ASTN2: variants seen among roughly 807,000 people sequenced by gnomAD.
ASTN2 encodes the protein astrotactin-2.
In ASTN2, 54 loss-of-function variants were observed where a neutral mutation model predicts 139.8. That is an observed-to-expected ratio of 0.39 (90% CI 0.31 to 0.48). The LOEUF is 0.48. Among genes scored for constraint, ASTN2 ranks in the 20% least tolerant of loss-of-function variants. ASTN2 has a pLI of 0.95. For missense variants in ASTN2, 1,565 were observed against 1,725.1 expected, an observed-to-expected ratio of 0.91 and a Z score of 1.64; for synonymous variants, 756 against 719.5, an observed-to-expected ratio of 1.05 and a Z score of -0.81.
intron 13 of ASTN2, among the ~76,000 whole-genome samples, chr9:116,748,826 A>G (rs1829322352): frequency 6.6e-6 from 1 of 152,178 alleles, no homozygotes; most frequent in African/African-American, 2.4e-5. Flanking sequence ...ATCTTGAGCA[A>G]GTCATTTCCC....
chr9:116,464,020 T>C (rs781280044), intron 20 of ASTN2, among the ~76,000 whole-genome samples: 21 of 151,552 alleles, frequency 1.4e-4, no homozygotes, highest in South Asian at 8.4e-4. Flanking sequence ...AGTGCTGAGA[T>C]TAAAGGTGCC....
At chr9:117,027,981 T>C (rs1246189330) in intron 6 of ASTN2, among the ~76,000 whole-genome samples, 2 of 152,116 alleles carry the variant, frequency 1.3e-5, no homozygotes, top group Non-Finnish European at 2.9e-5. Context: ...CCAAGATCCA[T>C]AATTAGTAAG....
intron 19 of ASTN2, among the ~76,000 whole-genome samples, chr9:116,598,334 C>G (rs1854692463): frequency 6.6e-6 from 1 of 152,136 alleles, no homozygotes; most frequent in African/African-American, 2.4e-5. Context: ...TGGGCTGAAA[C>G]CCAGAAGACC....
At chr9:116,794,829 A>G (rs1830649586) in intron 13 of ASTN2, among the ~76,000 whole-genome samples, 1 of 152,160 alleles carries the variant, frequency 6.6e-6, no homozygotes, top group African/African-American at 2.4e-5. Flanking sequence ...AGGGGAAGAA[A>G]ATTAGGACAG....
intron 1 of ASTN2, among the ~76,000 whole-genome samples, chr9:117,320,618 G>T (rs1205750992): frequency 6.6e-6 from 1 of 152,134 alleles, no homozygotes; most frequent in Non-Finnish European, 1.5e-5. Context: ...TCCATAACAT[G>T]ACTCTGCCCC....
intron 17 of ASTN2, among the ~76,000 whole-genome samples, chr9:116,647,230 T>A (rs754017533): frequency 1.9e-4 from 29 of 152,210 alleles, no homozygotes; most frequent in Non-Finnish European, 3.5e-4. Flanking sequence ...CATTAATATC[T>A]GTCTTCTCCA....
At chr9:116,526,339 C>CG (rs1232069336) in intron 19 of ASTN2, among the ~76,000 whole-genome samples, 2 of 152,128 alleles carry the variant, frequency 1.3e-5, no homozygotes, top group East Asian at 3.9e-4. Flanking sequence ...AGACTGGGCA[C>CG]GGTGGCTCAT....
At chr9:116,535,857 TA>T (rs1851600185) in intron 19 of ASTN2, among the ~76,000 whole-genome samples, 1 of 152,188 alleles carries the variant, frequency 6.6e-6, no homozygotes, top group African/African-American at 2.4e-5. Context: ...TCTTGAGGAT[TA>T]TCTTTGTGGC....
chr9:117,205,922 A>C (rs1457837200), intron 3 of ASTN2, among the ~76,000 whole-genome samples: 2 of 152,230 alleles, frequency 1.3e-5, no homozygotes, highest in East Asian at 3.8e-4. Context: ...GCAAATGTAA[A>C]CACATCCTGT....
chr9:116,617,087 T>C (rs574318435), intron 19 of ASTN2, among the ~76,000 whole-genome samples: 2 of 152,316 alleles, frequency 1.3e-5, no homozygotes, highest in East Asian at 1.9e-4. Flanking sequence ...GTCAATAATG[T>C]GGAAAAAGCC....
chr9:116,484,720 T>C (rs901404180), intron 20 of ASTN2, among the ~76,000 whole-genome samples: 1 of 152,050 alleles, frequency 6.6e-6, no homozygotes, highest in East Asian at 1.9e-4. Flanking sequence ...GAGTTAGAGA[T>C]GACAAGCTCC....
intron 1 of ASTN2, among the ~76,000 whole-genome samples, chr9:117,390,756 C>T (rs564830057): frequency 1.3e-5 from 2 of 152,310 alleles, no homozygotes; most frequent in Non-Finnish European, 2.9e-5. Context: ...CACCTCACAA[C>T]AGACATGTTG....
intron 16 of ASTN2, among the ~76,000 whole-genome samples, chr9:116,695,279 T>A (rs573999550): frequency 1.3e-5 from 2 of 152,290 alleles, no homozygotes; most frequent in South Asian, 4.1e-4. Context: ...CATAGTGTCA[T>A]CATGAAGATT....
intron 12 of ASTN2, among the ~76,000 whole-genome samples, chr9:116,810,994 T>C (rs1375826061): frequency 6.6e-6 from 1 of 152,184 alleles, no homozygotes; most frequent in Non-Finnish European, 1.5e-5. Flanking sequence ...TTCTATGCAG[T>C]GTTCTCATTA....
At chr9:116,964,259 G>GCGCGCA (rs1564362652) in intron 10 of ASTN2, among the ~76,000 whole-genome samples, 2 of 92,660 alleles carry the variant, frequency 2.2e-5, no homozygotes, top group African/African-American at 7.6e-5. Flanking sequence ...GTGTGTGTGC[G>GCGCGCA]CGCGCGCGCG....
intron 17 of ASTN2, among the ~76,000 whole-genome samples, chr9:116,632,256 A>G (rs199689315): frequency 0.016 from 1,676 of 102,516 alleles, 12 homozygotes; most frequent in African/African-American, 0.025. Context: ...AAAGAAGGAA[A>G]GAAAGAAAGA....
intron 17 of ASTN2, among the ~76,000 whole-genome samples, chr9:116,637,239 G>A (rs139076619): frequency 2.3e-4 from 35 of 152,284 alleles, no homozygotes; most frequent in African/African-American, 7.9e-4. Context: ...TGATTTCCAG[G>A]AGAGAAGAAA....
chr9:116,504,274 T>C (rs1234900758), intron 19 of ASTN2: 1 of 152,160 alleles, frequency 6.6e-6, no homozygotes, highest in Admixed American at 6.6e-5. Context: ...AGCTTTGGAA[T>C]GTGGTAGCAT....
At chr9:116,498,271 C>A (rs757861734) in intron 19 of ASTN2, among the ~76,000 whole-genome samples, 2 of 152,114 alleles carry the variant, frequency 1.3e-5, no homozygotes, top group Non-Finnish European at 2.9e-5. Context: ...GAACTTCAGT[C>A]TCCTTGTCTC....
Sources: gnomAD v4.1 joint callset for allele counts (sites outside exome capture counted in the v4.1 genomes callset) on GRCh38, gnomAD v4.1.1 for gene constraint, MANE v1.5 for transcripts, NCBI Gene and HGNC (gene_info 2026-07-23, HGNC 2026-07-21) for gene names.